SASH1: variants seen among roughly 807,000 people sequenced by gnomAD.
SASH1 encodes the protein SAM and SH3 domain containing 1, also known as SAM and SH3 domain-containing protein 1.
SASH1 carries 44 observed loss-of-function variants against 125.2 expected under a neutral mutation model. The observed-to-expected ratio is 0.35, with a 90% CI of 0.28 to 0.45. SASH1 has a LOEUF of 0.45. SASH1 is among the 20% of genes least tolerant of loss of function. The pLI, the probability that SASH1 is intolerant of heterozygous loss-of-function variation, is 1.00. For synonymous variants in SASH1, 639 were observed against 649.1 expected (o/e 0.98, Z 0.24); for missense variants, 1,426 against 1,614.5 (o/e 0.88, Z 2.00).
At chr6:148,230,722 A>G in the SASH1 span, among the ~76,000 whole-genome samples, 1 of 152,168 alleles carries the variant, frequency 6.6e-6, no homozygotes, top group Admixed American at 6.5e-5. Context: ...GTCAAGTGGT[A>G]TCTCATTGTG....
At chr6:148,196,797 G>C in the SASH1 span, among the ~76,000 whole-genome samples, 1 of 152,218 alleles carries the variant, frequency 6.6e-6, no homozygotes, top group Non-Finnish European at 1.5e-5. Context: ...AAGTGGAATA[G>C]CAAGTCTGAA....
the SASH1 span, among the ~76,000 whole-genome samples, chr6:148,222,325 A>G: frequency 6.6e-6 from 1 of 152,306 alleles, no homozygotes; most frequent in South Asian, 2.1e-4. Flanking sequence ...TGCCTTAATT[A>G]AAACTATTTA....
chr6:148,440,504 C>A (rs1342586537), intron 4 of SASH1, 97 bp downstream of exon 4: 30 of 1,008,494 alleles, frequency 3.0e-5, no homozygotes, highest in Non-Finnish European at 3.9e-5. Context: ...TGCGTATGTA[C>A]TATGGAGTTA....
At chr6:148,327,754 A>G (rs1169982547) in intron 1 of SASH1, among the ~76,000 whole-genome samples, 1 of 150,816 alleles carries the variant, frequency 6.6e-6, no homozygotes, top group African/African-American at 2.4e-5. Context: ...CAGCCTGGCC[A>G]ACATGGCAAA....
the SASH1 span, among the ~76,000 whole-genome samples, chr6:148,213,179 C>T: frequency 6.6e-6 from 1 of 152,200 alleles, no homozygotes; most frequent in Non-Finnish European, 1.5e-5. Context: ...CCTTCAGATA[C>T]ATGAGAAGAC....
chr6:148,524,121 A>ATATATATATAT (rs1193506716), intron 10 of SASH1, among the ~76,000 whole-genome samples: 5 of 128,602 alleles, frequency 3.9e-5, no homozygotes, highest in South Asian at 5.3e-4. Flanking sequence ...ATATATATAT[A>ATATATATATAT]TTTTTTTTAA....
At chr6:148,435,413 AC>A (rs1214868678) in intron 2 of SASH1, among the ~76,000 whole-genome samples, 2 of 151,694 alleles carry the variant, frequency 1.3e-5, no homozygotes, top group East Asian at 3.9e-4. Flanking sequence ...GTATATTTAC[AC>A]TTAGGAAACA....
chr6:148,224,203 G>C, the SASH1 span, among the ~76,000 whole-genome samples: 1 of 152,240 alleles, frequency 6.6e-6, no homozygotes, highest in Admixed American at 6.5e-5. Flanking sequence ...GGCTGAGGCG[G>C]GAGGATCACT....
At chr6:148,371,035 G>A (rs907832443) in intron 1 of SASH1, among the ~76,000 whole-genome samples, 12 of 152,096 alleles carry the variant, frequency 7.9e-5, no homozygotes, top group Admixed American at 6.6e-4. Flanking sequence ...TTCTCTTGGC[G>A]ATCTCCTTGA....
At chr6:148,387,362 C>T (rs1437410791) in intron 1 of SASH1, among the ~76,000 whole-genome samples, 1 of 151,726 alleles carries the variant, frequency 6.6e-6, no homozygotes, top group African/African-American at 2.4e-5. Context: ...TCATGATCCA[C>T]CTGCCTCCCA....
intron 1 of SASH1, among the ~76,000 whole-genome samples, chr6:148,298,920 A>G (rs1250024798): frequency 1.3e-5 from 2 of 152,056 alleles, no homozygotes; most frequent in Non-Finnish European, 2.9e-5. Flanking sequence ...AAGGAAGGAA[A>G]AGAAAGACTC....
chr6:148,534,014 AC>A lies in SASH1; in HGVS notation c.1944+36del, dbSNP rs748450282. On this transcript the variant is annotated intron_variant, in intron 15 of 19. Transcript: ENST00000367467. ...CTTCTGATTCTTGTCACACGCTACT[AC>A]CTCACTGCCTTTTTCTCTCCTACAC... 8.2e-6 allele frequency: 13 copies of A among 1,593,540 alleles called. No homozygotes were observed. In the Admixed American group the frequency reaches 1.7e-4, roughly 21 times the overall value.
chr6:148,548,526 T>C lies in SASH1; in HGVS notation c.3712T>C (p.Phe1238Leu), dbSNP rs1782703237. 1.9e-6 allele frequency: 3 copies of C among 1,611,864 alleles called. No individual in the cohort carries two copies. Among genetic ancestry groups the C allele is most frequent in the Admixed American group, 1.7e-5 (1 of 59,788 alleles). Residue 1238 changes from phenylalanine to leucine, a missense_variant, in exon 20 of 20, where the codon TTC (phenylalanine) becomes CTC (leucine). By Grantham distance (22) the Phe-to-Leu change is conservative. This residue lies in a region of SASH1 where 634 missense variants were observed against 694.4 expected (regional missense o/e 0.91). Transcript: ENST00000367467. ...IRKLLSAARL[F>L]KLPPGPEAM ...AAAGCTCCTATCTGCAGCCAGACTC[T>C]TCAAACTGCCGCCAGGCCCTGAGGC... is the stretch of plus-strand genomic sequence containing the variant.
intron 2 of SASH1, among the ~76,000 whole-genome samples, chr6:148,414,659 C>CT (rs1011817634): frequency 4.0e-5 from 6 of 151,586 alleles, no homozygotes; most frequent in East Asian, 1.9e-4. Context: ...AGCTTACATT[C>CT]TTTTTTTTTA....
the SASH1 span, among the ~76,000 whole-genome samples, chr6:148,201,461 C>T: frequency 3.5e-3 from 534 of 152,250 alleles, 3 homozygotes; most frequent in African/African-American, 0.012. Context: ...TTGCTGGGCC[C>T]ACCACTGTGC....
intron 4 of SASH1, among the ~76,000 whole-genome samples, chr6:148,465,087 T>C (rs1777772886): frequency 6.6e-6 from 1 of 152,152 alleles, no homozygotes; most frequent in Non-Finnish European, 1.5e-5. Flanking sequence ...GCAATCACAT[T>C]TTGTGCTAAT....
At chr6:148,326,386 T>TATATATATATATATATATACACA (rs1780826472) in intron 1 of SASH1, among the ~76,000 whole-genome samples, 1 of 63,196 alleles carries the variant, frequency 1.6e-5, no homozygotes, top group South Asian at 7.6e-4. Flanking sequence ...ATTCTTTTCT[T>TATATATATATATATATATACACA]TTCTTTTCTT....
chr6:148,272,321 A>G, exon 1 of SASH1: 1 of 470,526 alleles, frequency 2.1e-6, no homozygotes, highest in Non-Finnish European at 4.4e-6. Flanking sequence ...AGAGGAAGTC[A>G]GAGACCATTT....
rs554782812 is a variant in SASH1, at chr6:148,398,093, C to T, written c.285+7831C>T. ...GGAGACGTCACAGTTTCATCCAAGG[C>T]CAAAAATGGAGGGAGGGGTAAATGT... On this transcript the variant is annotated intron_variant, in intron 2 of 19. Transcript: ENST00000367467. Among the ~76,000 whole-genome samples the T allele has an allele frequency of 1.6e-3, 250 of 151,832 alleles. 3 individuals carry two copies. Among genetic ancestry groups the T allele is most frequent in the South Asian group, 3.3e-3 (16 of 4,800 alleles).
Sources: allele counts gnomAD v4.1 joint callset (sites outside exome capture counted in the v4.1 genomes callset), GRCh38; gene constraint gnomAD v4.1.1; regional missense constraint gnomAD v4.1.1; transcripts MANE v1.5; gene names NCBI Gene and HGNC (gene_info 2026-07-23, HGNC 2026-07-21).